LTA: variants seen among roughly 807,000 people sequenced by gnomAD.
LTA encodes lymphotoxin-alpha.
LTA carries 6 observed loss-of-function variants against 15.1 expected under a neutral mutation model. The observed-to-expected ratio is 0.40, with a 90% confidence interval of 0.22 to 0.78. The LOEUF (loss-of-function observed/expected upper bound fraction) is 0.78, where lower values mean the gene tolerates loss of function less well. Ranked by LOEUF, LTA falls within the 30% of genes least tolerant of loss-of-function variation. The pLI, the probability that LTA is intolerant of heterozygous loss-of-function variation, is 0.38. For synonymous variants in LTA, 87 were observed against 107.3 expected, an observed-to-expected ratio of 0.81 and a Z score of 1.17; for missense variants, 173 against 249.5, an observed-to-expected ratio of 0.69 and a Z score of 2.06.
chr6:31,572,694 C>G, intron 1 of LTA, 40 bp from the exon 2 acceptor site: 21 of 1,485,328 alleles, frequency 1.4e-5, no homozygotes, highest in Non-Finnish European at 1.8e-5. Context: ...CGTGCCCCGC[C>G]CCGCTCACTG....
chr6:31,567,413 A>AT (rs1770620687), upstream of LTA, among the ~76,000 whole-genome samples: 1 of 152,170 alleles, frequency 6.6e-6, no homozygotes, highest in South Asian at 2.1e-4. Context: ...ATTTTTTAAA[A>AT]TTAGCCAGGC....
chr6:31,573,891 T>A lies in LTA; in HGVS notation c.*198T>A. On this transcript the variant is annotated 3_prime_UTR_variant, in exon 4 of 4. Coordinates refer to ENST00000418386, the MANE Select transcript of LTA (RefSeq NM_000595.4). ...CAGGGGACCACACCTCCCTGAACCATCCCTGATGTCTGTCTGGCTGAGGAT... is the reference window on the plus strand; with the variant it reads ...CAGGGGACCACACCTCCCTGAACCAACCCTGATGTCTGTCTGGCTGAGGAT... 1 of 721,402 alleles carries A rather than the reference T, an allele frequency of 1.4e-6. No homozygotes were observed. The highest frequency in any genetic ancestry group is 2.5e-6 in the Non-Finnish European group (1 of 403,742). 44.7% of individuals were successfully genotyped at this position (721,402 alleles called of 1,614,324 possible). A position where few individuals can be genotyped will look rare whatever the true frequency, so the allele number is the denominator to read the frequency against.
upstream of LTA, among the ~76,000 whole-genome samples, chr6:31,571,083 CAG>C (rs1770808493): frequency 2.8e-5 from 4 of 141,058 alleles, no homozygotes; most frequent in Admixed American, 1.4e-4. Context: ...TTTTTTGAGA[CAG>C]AGTCTTGCTC....
chr6:31,567,591 C>G (rs1157299812), upstream of LTA, among the ~76,000 whole-genome samples: 4 of 82,904 alleles, frequency 4.8e-5, no homozygotes, highest in African/African-American at 2.3e-4. Context: ...ATCACCTCTG[C>G]TCACCTCCCT....
Position 31,572,944 on chromosome 6 carries a change from G to A in LTA, c.116G>A (p.Gly39Asp). ...CTCCCCTAGGGGCTCCCTGGTGTTG[G>A]CCTCACACCTTCAGCTGCCCAGACT... is the stretch of plus-strand genomic sequence containing the variant. ...LPGAQGLPGV[G>D]LTPSAAQTAR... is the part of the protein sequence containing the mutation. Residue 39 changes from glycine to aspartate, a missense_variant, in exon 3 of 4, where the codon GGC (glycine) becomes GAC (aspartate). Physicochemically the swap from Gly to Asp is moderately conservative, Grantham distance 94 (BLOSUM62 -1). Transcript: ENST00000418386. 6.2e-7 allele frequency: 1 copy of A among 1,612,470 alleles called. No homozygotes were observed.
At chr6:31,569,638 C>CA (rs1045897641), upstream of LTA, among the ~76,000 whole-genome samples, 1 of 151,084 alleles carries the variant, frequency 6.6e-6, no homozygotes, top group African/African-American at 2.4e-5. Context: ...ACTAAAAATA[C>CA]AAAAAAAAAT....
chr6:31,563,042 C>T, the LTA span, among the ~76,000 whole-genome samples: 1 of 150,948 alleles, frequency 6.6e-6, no homozygotes, highest in African/African-American at 2.4e-5. Context: ...CGCCTGTAAC[C>T]CCAGCTACTC....
upstream of LTA, among the ~76,000 whole-genome samples, chr6:31,567,641 C>G (rs1242050520): frequency 1.6e-5 from 2 of 125,502 alleles, no homozygotes; most frequent in South Asian, 5.5e-4. Context: ...CCTCTCTCCC[C>G]TGCAACACAC....
chr6:31,573,074 T>C, intron 3 of LTA, 41 bp downstream of exon 3: 1 of 1,520,788 alleles, frequency 6.6e-7, no homozygotes, highest in South Asian at 1.1e-5. Context: ...CCCCACCAGC[T>C]CTCCTCCTAC....
the LTA span, among the ~76,000 whole-genome samples, chr6:31,560,641 A>C: frequency 6.6e-6 from 1 of 152,254 alleles, no homozygotes; most frequent in South Asian, 2.1e-4. Flanking sequence ...GGTAGGTGGA[A>C]GTGTATCTCT....
rs1288989724 is a variant in LTA, at chr6:31,572,920, T to C, written c.100-8T>C. ...CCTAGAGCCCCCCTCAACTCTGTTC[T>C]CCCCTAGGGGCTCCCTGGTGTTGGC... On this transcript the variant is annotated splice_polypyrimidine_tract_variant and splice_region_variant and intron_variant, in intron 2 of 3. Transcript: ENST00000418386. 6.2e-7 allele frequency: 1 copy of C among 1,611,744 alleles called. No individual in the cohort carries two copies. The highest frequency in any genetic ancestry group is 2.2e-5 in the East Asian group (1 of 44,834).
At chr6:31,564,285 A>G in the LTA span, among the ~76,000 whole-genome samples, 1 of 151,536 alleles carries the variant, frequency 6.6e-6, no homozygotes. Flanking sequence ...TTTTATTTTT[A>G]TTTTTTTCCT....
At chr6:31,570,151 T>C (rs974112908), upstream of LTA, among the ~76,000 whole-genome samples, 7 of 152,220 alleles carry the variant, frequency 4.6e-5, no homozygotes, top group Non-Finnish European at 8.8e-5. Context: ...ATCTGTCTTT[T>C]ATTATAGGAG....
At chr6:31,566,262 T>C in the LTA span, among the ~76,000 whole-genome samples, 1 of 151,680 alleles carries the variant, frequency 6.6e-6, no homozygotes, top group Non-Finnish European at 1.5e-5. Context: ...AAGGATTGCC[T>C]GAGGCCAAGA....
At chr6:31,561,232 G>C in the LTA span, among the ~76,000 whole-genome samples, 1 of 152,208 alleles carries the variant, frequency 6.6e-6, no homozygotes, top group Non-Finnish European at 1.5e-5. Flanking sequence ...CATCCTGTGG[G>C]CAGTGGTCCA....
chr6:31,571,830 C>T (rs374320774), upstream of LTA, among the ~76,000 whole-genome samples: 3 of 152,140 alleles, frequency 2.0e-5, no homozygotes, highest in Admixed American at 2.0e-4. Context: ...AGTCCGTATA[C>T]TGGGACAAGT....
chr6:31,572,831 C>G lies in LTA; in HGVS notation c.89C>G (p.Pro30Arg), dbSNP rs1487179026. ...CTGGGGCTGCTGCTGGTTCTGCTGCCTGGGGCCCAGGTGAGGCAGCAGGAG... is the reference window on the plus strand; with the variant it reads ...CTGGGGCTGCTGCTGGTTCTGCTGCGTGGGGCCCAGGTGAGGCAGCAGGAG... ...LLLGLLLVLL[P>R]GAQGLPGVGL... Residue 30 changes from proline to arginine, a missense_variant, in exon 2 of 4, where the codon CCT (proline) becomes CGT (arginine). Pro to Arg is a moderately radical substitution (Grantham distance 103). Transcript: ENST00000418386. 1 of 1,611,840 alleles carries G rather than the reference C, an allele frequency of 6.2e-7. No individual in the cohort carries two copies. Among genetic ancestry groups the G allele is most frequent in the Non-Finnish European group, 8.5e-7 (1 of 1,179,894 alleles).
chr6:31,564,077 G>T, the LTA span, among the ~76,000 whole-genome samples: 1 of 152,198 alleles, frequency 6.6e-6, no homozygotes, highest in Non-Finnish European at 1.5e-5. Flanking sequence ...GTGAGTGGTT[G>T]TGATGAGAAG....
In LTA at chr6:31,572,759, G is replaced by T; in HGVS notation, c.17G>T (p.Arg6Leu). 6.2e-7 allele frequency: 1 copy of T among 1,608,942 alleles called. No individual in the cohort carries two copies. ...GTTCTCCCCATGACACCACCTGAAC[G>T]TCTCTTCCTCCCAAGGGTGTGTGGC... is the stretch of plus-strand genomic sequence containing the variant. MTPPERLFLPRVCGTT... is the reference protein window; with the variant it reads MTPPELLFLPRVCGTT... Residue 6 changes from arginine to leucine, a missense_variant, in exon 2 of 4, where the codon CGT becomes CTT. Transcript: ENST00000418386.
Sources: gnomAD v4.1 joint callset for allele counts (sites outside exome capture counted in the v4.1 genomes callset) on GRCh38, gnomAD v4.1.1 for gene constraint, MANE v1.5 for transcripts, NCBI Gene and HGNC (gene_info 2026-07-23, HGNC 2026-07-21) for gene names.